The following OR10A2 variants were observed in gnomAD, a reference collection of about 807,000 sequenced individuals.
OR10A2 encodes the protein olfactory receptor 10A2.
A neutral mutation model predicts 13.7 loss-of-function variants in OR10A2; 15 were observed. The observed-to-expected ratio is 1.10, with a 90% CI of 0.73 to 1.69. OR10A2 has a LOEUF of 1.69. Among genes scored for constraint, OR10A2 ranks in the 40% most tolerant of loss-of-function variants. The probability of loss-of-function intolerance (pLI) is 0.00; values close to 1 mark genes in which losing one functional copy is unlikely to be tolerated. For synonymous variants in OR10A2, 145 were observed against 144.7 expected (o/e 1.00, Z -0.02); for missense variants, 343 against 361.1 (o/e 0.95, Z 0.41).
chr11:6,863,327 A>C lies in OR10A2; in HGVS notation c.-157A>C, dbSNP rs549620124. 8.4e-6 allele frequency: 1 copy of C among 119,736 alleles called. No homozygotes were observed. Among genetic ancestry groups the C allele is most frequent in the African/African-American group, 2.9e-5 (1 of 35,026 alleles). 7.4% of individuals were successfully genotyped at this position (119,736 alleles called of 1,614,324 possible). Reference sequence around the variant, plus strand: ...CATGGATGTCAGCCAGAGTTGAACAAGGCAGATGTTCCTGTTGGACACAGG... The same window carrying C: ...CATGGATGTCAGCCAGAGTTGAACACGGCAGATGTTCCTGTTGGACACAGG... On this transcript the variant is annotated 5_prime_UTR_variant, in exon 1 of 2. Coordinates refer to ENST00000641461, the MANE Select transcript of OR10A2 (RefSeq NM_001004460.2).
intron 1 of OR10A2, among the ~76,000 whole-genome samples, chr11:6,865,652 A>AT (rs1848373963): frequency 6.6e-6 from 1 of 152,164 alleles, no homozygotes; most frequent in Non-Finnish European, 1.5e-5. Flanking sequence ...TAAGAAGATA[A>AT]TTGTCTTTTA....
At position 6,872,409 on chromosome 11, in the gene OR10A2, C is replaced by A. The variant is rs1848443296; in HGVS notation, c.*1743C>A. 1 of 152,178 alleles carries A rather than the reference C, an allele frequency of 6.6e-6. No individual in the cohort carries two copies. The highest frequency in any genetic ancestry group is 6.5e-5 in the Admixed American group (1 of 15,272). The allele number at this position is 152,178 out of a possible 1,614,324, so 9.4% of individuals were successfully genotyped here. The stretch of plus-strand genomic sequence containing the variant: ...ACTACATGTAGAAACTGTACATGTA[C>A]TTATTTTTACATGTTTGTCTTCCTC... On this transcript the variant is annotated 3_prime_UTR_variant, in exon 2 of 2. Transcript: ENST00000641461.
In OR10A2 at chr11:6,870,440, C is replaced by T; in HGVS notation, c.686C>T (p.Ser229Phe). Residue 229 changes from serine to phenylalanine, a missense_variant, in exon 2 of 2, where the codon TCC becomes TTC. Ser to Phe is a radical substitution (Grantham distance 155). Transcript: ENST00000641461. ...KGKNKAFSTC[S>F]SHLLVVSLFY... ...AAGAATAAAGCCTTTTCTACATGTT[C>T]CTCACACCTCCTTGTTGTCTCTCTT... 1 of 1,614,156 alleles carries T rather than the reference C, an allele frequency of 6.2e-7. No individual in the cohort carries two copies. Among genetic ancestry groups the T allele is most frequent in the Non-Finnish European group, 8.5e-7 (1 of 1,180,004 alleles).
intron 1 of OR10A2, among the ~76,000 whole-genome samples, chr11:6,866,165 T>A (rs1320724241): frequency 1.3e-5 from 2 of 152,232 alleles, no homozygotes; most frequent in South Asian, 4.1e-4. Flanking sequence ...AATTTGAGGC[T>A]ATTATGAATA....
At chr11:6,866,407 C>T (rs1848378603) in intron 1 of OR10A2, among the ~76,000 whole-genome samples, 1 of 152,148 alleles carries the variant, frequency 6.6e-6, no homozygotes, top group African/African-American at 2.4e-5. Flanking sequence ...TTTCTTAAAC[C>T]TTTATGAGAT....
chr11:6,867,168 G>A lies in OR10A2; in HGVS notation c.-132-2455G>A, dbSNP rs188437301. ...TTTTGTCCCCCAGGTGGTCTTTTCT[G>A]GCCCCACACTGTCATTTTCATGAGT... On this transcript the variant is annotated intron_variant, in intron 1 of 1. Transcript: ENST00000641461. 2.3e-3 allele frequency among the ~76,000 whole-genome samples: 347 copies of A among 151,778 alleles called. 4 individuals are homozygous for A. The highest frequency in any genetic ancestry group is 8.1e-3 in the African/African-American group (336 of 41,366).
At chr11:6,868,937 G>A (rs548385711) in intron 1 of OR10A2, among the ~76,000 whole-genome samples, 1 of 152,166 alleles carries the variant, frequency 6.6e-6, no homozygotes, top group Admixed American at 6.5e-5. Flanking sequence ...ATCTTTGTCT[G>A]TCTTCACTGT....
rs753239611 is a variant in OR10A2, at chr11:6,869,947, G to C, written c.193G>C (p.Val65Leu). 4 of 1,614,084 alleles carry C rather than the reference G, an allele frequency of 2.5e-6. No homozygotes were observed. The South Asian group carries it at 4.4e-5, about 18-fold the overall frequency. The change falls in exon 2 of 2, where the codon GTG becomes CTG. Residue 65 changes from valine to leucine, a missense_variant. By Grantham distance (32) the Val-to-Leu change is conservative. Coordinates refer to ENST00000641461, the MANE Select transcript of OR10A2 (RefSeq NM_001004460.2). ...FLEIGFNLVI[V>L]PKMLGTLLAQ... ...GGAGATTGGCTTCAACCTAGTCATT[G>C]TGCCCAAAATGCTGGGGACCCTGCT...
intron 1 of OR10A2, among the ~76,000 whole-genome samples, chr11:6,868,366 G>A (rs549790649): frequency 1.4e-4 from 22 of 152,114 alleles, no homozygotes; most frequent in African/African-American, 4.1e-4. Flanking sequence ...GCGTAAAGAC[G>A]GAGGGTAATT....
rs1848435341 is a variant in OR10A2, at chr11:6,871,512, T to C, written c.*846T>C. 3 of 152,230 alleles carry C rather than the reference T, an allele frequency of 2.0e-5. No individual in the cohort carries two copies. The highest frequency in any genetic ancestry group is 2.1e-4 in the South Asian group (1 of 4,830). 9.4% of individuals were successfully genotyped at this position (152,230 alleles called of 1,614,324 possible). The stretch of plus-strand genomic sequence containing the variant: ...AGCTTACTGGTATGCAGTATGCATG[T>C]ATGAGAGTAGATCAAAAGTTCACAT... On this transcript the variant is annotated 3_prime_UTR_variant, in exon 2 of 2. Coordinates refer to ENST00000641461, the MANE Select transcript of OR10A2 (RefSeq NM_001004460.2).
rs2133066452 is a variant in OR10A2 at position 6,863,071 on chromosome 11, CA to C, written c.-409del. 6.6e-6 allele frequency: 1 copy of C among 152,360 alleles called. No individual in the cohort carries two copies. Among genetic ancestry groups the C allele is most frequent in the African/African-American group, 2.4e-5 (1 of 41,560 alleles). The allele number at this position is 152,360 out of a possible 1,614,324, so 9.4% of individuals were successfully genotyped here. A position where few individuals can be genotyped will look rare whatever the true frequency, so the allele number is the denominator to read the frequency against. On this transcript the variant is annotated 5_prime_UTR_variant, in exon 1 of 2. Transcript: ENST00000641461. ...TCATCCCTTCGACTAGCCCCAAGAACAAAAGAGGCACAGGTGGGAACAACTC... is the reference window on the plus strand; with the variant it reads ...TCATCCCTTCGACTAGCCCCAAGAACAAAGAGGCACAGGTGGGAACAACTC...
chr11:6,867,947 G>A (rs990123902), intron 1 of OR10A2, among the ~76,000 whole-genome samples: 7 of 151,574 alleles, frequency 4.6e-5, no homozygotes, highest in African/African-American at 7.3e-5. Context: ...ATGGGGTTTC[G>A]CCACCTTGCT....
At position 6,869,818 on chromosome 11, in the gene OR10A2, T is replaced by C; in HGVS notation, c.64T>C (p.Tyr22His). Residue 22 changes from tyrosine (Y) to histidine (H), a missense_variant, in exon 2 of 2, where the codon TAC (tyrosine) becomes CAC (histidine). Physicochemically the swap from Tyr to His is moderately conservative, Grantham distance 83. Transcript: ENST00000641461. ...ACTCTTTCTGACATTTCTAACCATC[T>C]ACCTGGTCACCCTGATGGGAAACTG... ...SLLFLTFLTI[Y>H]LVTLMGNCLI... The C allele has an allele frequency of 1.9e-6, 3 of 1,614,176 alleles. No individual in the cohort carries two copies. The highest frequency in any genetic ancestry group is 2.5e-6 in the Non-Finnish European group (3 of 1,179,998).
chr11:6,866,501 C>G (rs1848379581), intron 1 of OR10A2, among the ~76,000 whole-genome samples: 1 of 152,148 alleles, frequency 6.6e-6, no homozygotes, highest in Admixed American at 6.5e-5. Flanking sequence ...ATCTCTGATA[C>G]TATTTACATT....
rs536235963 is a variant in OR10A2 at position 6,874,097 on chromosome 11, T to C, written c.*3431T>C. ...ACAAGCACATTTATATCTCTTATCA[T>C]TGTTTCAGTCCGTGTGAATTGTATG... On this transcript the variant is annotated 3_prime_UTR_variant, in exon 2 of 2. Coordinates refer to ENST00000641461, the MANE Select transcript of OR10A2 (RefSeq NM_001004460.2). The C allele has an allele frequency of 1.3e-5, 2 of 152,358 alleles. No homozygotes were observed. The highest frequency in any genetic ancestry group is 2.4e-5 in the African/African-American group (1 of 41,584). 9.4% of individuals were successfully genotyped at this position (152,358 alleles called of 1,614,324 possible).
chr11:6,864,275 A>T (rs1045783678), intron 1 of OR10A2, among the ~76,000 whole-genome samples: 2 of 151,772 alleles, frequency 1.3e-5, no homozygotes, highest in East Asian at 1.9e-4. Context: ...CACATCTGTC[A>T]TGAGGCTTCT....
At position 6,870,044 on chromosome 11, in the gene OR10A2, C is replaced by A. The variant is rs761437390; in HGVS notation, c.290C>A (p.Ala97Asp). 2.0e-5 allele frequency: 33 copies of A among 1,614,120 alleles called. No individual in the cohort carries two copies. Among genetic ancestry groups the A allele is most frequent in the African/African-American group, 2.7e-5 (2 of 74,948 alleles). ...TATTTCTTCTTCTTCTTTGGAGTGGCTGAATGCTTCCTCCTGGCTACCATG... is the reference window on the plus strand; with the variant it reads ...TATTTCTTCTTCTTCTTTGGAGTGGATGAATGCTTCCTCCTGGCTACCATG... ...QMYFFFFFGV[A>D]ECFLLATMAY... is the part of the protein sequence containing the mutation. The change falls in exon 2 of 2, where the codon GCT becomes GAT. Residue 97 changes from alanine (A) to aspartate (D), a missense_variant. Transcript: ENST00000641461.
rs774471698 is a variant in OR10A2 at position 6,864,600 on chromosome 11, A to G, written c.-133+1249A>G. ...AGAGAAGATGACTAATCCTATCTGG[A>G]AGTATCACATGACAGACAGAGCTGA... On this transcript the variant is annotated intron_variant, in intron 1 of 1. Transcript: ENST00000641461. 4.5e-4 allele frequency among the ~76,000 whole-genome samples: 69 copies of G among 152,156 alleles called. 1 individual carries two copies. The highest frequency in any genetic ancestry group is 1.5e-4 in the Non-Finnish European group (10 of 68,014).
Position 6,870,278 on chromosome 11 carries a change from T to C in OR10A2, c.524T>C (p.Val175Ala), listed in dbSNP as rs1590018798. The C allele has an allele frequency of 1.2e-6, 2 of 1,614,222 alleles. No homozygotes were observed. Among genetic ancestry groups the C allele is most frequent in the Non-Finnish European group, 1.7e-6 (2 of 1,180,032 alleles). Residue 175 changes from valine to alanine, a missense_variant, in exon 2 of 2, where the codon GTC (valine) becomes GCC (alanine). Coordinates refer to ENST00000641461, the MANE Select transcript of OR10A2 (RefSeq NM_001004460.2). ...GACAGCCCACCTGTGCTGAGGCTGG[T>C]CTGTGCAGACACAGCACTCTTTGAG... ...FCDSPPVLRLVCADTALFEIY... is the reference protein window; with the variant it reads ...FCDSPPVLRLACADTALFEIY...
Sources: gnomAD v4.1 joint callset for allele counts (sites outside exome capture counted in the v4.1 genomes callset) on GRCh38, gnomAD v4.1.1 for gene constraint, MANE v1.5 for transcripts, NCBI Gene and HGNC (gene_info 2026-07-23, HGNC 2026-07-21) for gene names.